The following USP3 variants were observed in gnomAD, a reference collection of about 807,000 sequenced individuals.
The protein encoded by USP3 is ubiquitin specific peptidase 3, also known as ubiquitin carboxyl-terminal hydrolase 3.
Under a neutral mutation model 72.3 loss-of-function variants are expected in USP3, and 20 were observed. That is an observed-to-expected ratio of 0.28 (90% CI 0.19 to 0.40). USP3 has a LOEUF of 0.40. USP3 is among the 10% of genes least tolerant of loss of function. The pLI is 1.00. For synonymous variants in USP3, 222 were observed against 225.3 expected (o/e 0.99, Z 0.13); for missense variants, 479 against 633.9 (o/e 0.76, Z 2.62).
At position 63,559,961 on chromosome 15, in the gene USP3, A is replaced by G. The variant is rs371388276; in HGVS notation, c.638A>G (p.Asp213Gly). ...RRTYHTRSQG[D>G]NNVSLVEEFR... is the part of the protein sequence containing the mutation. ...ACATACCACACCAGGAGCCAAGGGG[A>G]TAACAATGTGTGAGTTATAAGAGTA... Residue 213 changes from aspartate to glycine, a missense_variant, in exon 7 of 15, where the codon GAT becomes GGT. Transcript: ENST00000380324. 25 of 1,613,320 alleles carry G rather than the reference A, an allele frequency of 1.5e-5. No individual in the cohort carries two copies. The highest frequency in any genetic ancestry group is 2.1e-5 in the Non-Finnish European group (25 of 1,179,704).
intron 6 of USP3, among the ~76,000 whole-genome samples, chr15:63,558,465 G>A (rs2066548260): frequency 6.6e-6 from 1 of 152,114 alleles, no homozygotes. Context: ...TTTTTGAATA[G>A]GCTAGAACTG....
At chr15:63,549,694 C>G (rs72750950) in intron 3 of USP3, among the ~76,000 whole-genome samples, 4,654 of 152,242 alleles carry the variant, frequency 0.031, 99 homozygotes, top group Non-Finnish European at 0.049. Context: ...CATGAATAAG[C>G]TTTTTCTCTC....
At chr15:63,583,462 A>C (rs2066999126) in intron 11 of USP3, among the ~76,000 whole-genome samples, 1 of 152,190 alleles carries the variant, frequency 6.6e-6, no homozygotes, top group African/African-American at 2.4e-5. Context: ...TGTCTCTTAA[A>C]ACAATTTTTT....
rs1383660305 is a variant in USP3 at position 63,590,732 on chromosome 15, T to G, written c.1469T>G (p.Val490Gly). 6.2e-7 allele frequency: 1 copy of G among 1,614,162 alleles called. No individual in the cohort carries two copies. Among genetic ancestry groups the G allele is most frequent in the Admixed American group, 1.7e-5 (1 of 60,026 alleles). The change falls in exon 15 of 15, where the codon GTA becomes GGA. Residue 490 changes from valine to glycine, a missense_variant. Coordinates refer to ENST00000380324, the MANE Select transcript of USP3 (RefSeq NM_006537.4). ...TGGTTCCACTTCAATGACAGTACTG[T>G]AACACTGACTGACGAGGAGACTGTG... ...GRWFHFNDST[V>G]TLTDEETVVK...
At chr15:63,525,202 C>G (rs2065964835) in intron 1 of USP3, among the ~76,000 whole-genome samples, 1 of 152,120 alleles carries the variant, frequency 6.6e-6, no homozygotes, top group Non-Finnish European at 1.5e-5. Flanking sequence ...TCTTTCCTGC[C>G]TTGGACCTGA....
At chr15:63,539,102 T>G (rs2066203981) in intron 3 of USP3, among the ~76,000 whole-genome samples, 1 of 151,754 alleles carries the variant, frequency 6.6e-6, no homozygotes, top group Admixed American at 6.6e-5. Flanking sequence ...CCCCTTTCCC[T>G]CAGGTTTTCT....
At chr15:63,549,197 A>C (rs1393582585) in intron 3 of USP3, among the ~76,000 whole-genome samples, 3 of 152,240 alleles carry the variant, frequency 2.0e-5, no homozygotes, top group Admixed American at 6.5e-5. Context: ...TTTTAAGTAC[A>C]TCTCAACTCG....
Position 63,555,258 on chromosome 15 carries a change from A to C in USP3, c.369-1409A>C, listed in dbSNP as rs994028637. ...CTAGATTCATTTTTGTGTTTTGCAA[A>C]CATTGGTTTAATCTGTAGTGGAATT... is the stretch of plus-strand genomic sequence containing the variant. On this transcript the variant is annotated intron_variant, in intron 4 of 14. Transcript: ENST00000380324. 2.6e-5 allele frequency among the ~76,000 whole-genome samples: 4 copies of C among 151,748 alleles called. No homozygotes were observed. In the Admixed American group the frequency reaches 2.7e-4, roughly 10 times the overall value.
chr15:63,569,764 T>A (rs1043341791), intron 8 of USP3, among the ~76,000 whole-genome samples: 16 of 152,210 alleles, frequency 1.1e-4, no homozygotes, highest in Non-Finnish European at 2.1e-4. Flanking sequence ...TCATATAGTT[T>A]CCTGTCTGAC....
intron 1 of USP3, among the ~76,000 whole-genome samples, chr15:63,527,594 A>G (rs1235959512): frequency 6.6e-6 from 1 of 152,240 alleles, no homozygotes; most frequent in East Asian, 1.9e-4. Flanking sequence ...CTCTGTATGC[A>G]TACTAACAGG....
rs557681282 is a variant in USP3, at chr15:63,506,547, T to G, written c.91+1717T>G. ...AAAATGGCTTCACTGGGCACATACATCTAAAAAATGGAAAAGAACTGTGCA... is the reference window on the plus strand; with the variant it reads ...AAAATGGCTTCACTGGGCACATACAGCTAAAAAATGGAAAAGAACTGTGCA... On this transcript the variant is annotated intron_variant, in intron 1 of 14. Transcript: ENST00000380324. Among the ~76,000 whole-genome samples the G allele has an allele frequency of 3.9e-5, 6 of 152,210 alleles. No homozygotes were observed. In the South Asian group the frequency reaches 1.2e-3, roughly 32 times the overall value.
intron 1 of USP3, among the ~76,000 whole-genome samples, chr15:63,530,296 T>C (rs1345187848): frequency 7.4e-6 from 1 of 135,282 alleles, no homozygotes; most frequent in Non-Finnish European, 1.6e-5. Context: ...CTTCCCTCCC[T>C]TCCTTCCTTC....
intron 2 of USP3, among the ~76,000 whole-genome samples, chr15:63,533,116 A>T (rs1273637584): frequency 6.7e-6 from 1 of 148,596 alleles, no homozygotes; most frequent in Non-Finnish European, 1.5e-5. Context: ...TTATCAACAC[A>T]TGGCAATCTT....
At position 63,592,456 on chromosome 15, in the gene USP3, T is replaced by A. The variant is rs545195478; in HGVS notation, c.*1630T>A. On this transcript the variant is annotated 3_prime_UTR_variant, in exon 15 of 15. Coordinates refer to ENST00000380324, the MANE Select transcript of USP3 (RefSeq NM_006537.4). ...AACGAGACTTTCTGGCAATTTTTTTTTTTTTTTTTTAATGGAGTCTTACTC... is the reference window on the plus strand; with the variant it reads ...AACGAGACTTTCTGGCAATTTTTTTATTTTTTTTTTAATGGAGTCTTACTC... 2 of 150,594 alleles carry A rather than the reference T, an allele frequency of 1.3e-5. No individual in the cohort carries two copies. The highest frequency in any genetic ancestry group is 4.2e-4 in the South Asian group (2 of 4,762). 9.3% of individuals were successfully genotyped at this position (150,594 alleles called of 1,614,324 possible).
chr15:63,519,226 C>G (rs940467953), intron 1 of USP3, among the ~76,000 whole-genome samples: 25 of 152,174 alleles, frequency 1.6e-4, no homozygotes, highest in African/African-American at 5.8e-4. Context: ...CCCAGCCACC[C>G]TGGATCTAAT....
chr15:63,510,690 G>T (rs989202977), intron 1 of USP3, among the ~76,000 whole-genome samples: 1 of 152,030 alleles, frequency 6.6e-6, no homozygotes, highest in Non-Finnish European at 1.5e-5. Context: ...TTTTTGGAGG[G>T]TGTGTTTGTG....
chr15:63,557,228 G>A (rs144496871), intron 5 of USP3, among the ~76,000 whole-genome samples: 15 of 152,042 alleles, frequency 9.9e-5, no homozygotes, highest in Non-Finnish European at 1.8e-4. Flanking sequence ...ACACCACCAC[G>A]CCTGGCTAAT....
chr15:63,566,238 C>T (rs1048335462), intron 8 of USP3, among the ~76,000 whole-genome samples: 2 of 151,352 alleles, frequency 1.3e-5, no homozygotes, highest in Non-Finnish European at 2.9e-5. Flanking sequence ...TTTGCTTGCT[C>T]TTCTCAGGTT....
At chr15:63,513,939 A>G (rs1458011707) in intron 1 of USP3, among the ~76,000 whole-genome samples, 1 of 152,226 alleles carries the variant, frequency 6.6e-6, no homozygotes, top group African/African-American at 2.4e-5. Context: ...CTGGTTGAGC[A>G]AATTTTAATT....
Sources: allele counts gnomAD v4.1 joint callset (sites outside exome capture counted in the v4.1 genomes callset), GRCh38; gene constraint gnomAD v4.1.1; transcripts MANE v1.5; gene names NCBI Gene and HGNC (gene_info 2026-07-23, HGNC 2026-07-21).